The following DOCK1 variants were observed in gnomAD, a reference collection of about 807,000 sequenced individuals.
DOCK1 encodes dedicator of cytokinesis protein 1.
Under a neutral mutation model 262.7 loss-of-function variants are expected in DOCK1, and 138 were observed. That is an observed-to-expected ratio of 0.53 (90% CI 0.46 to 0.61). DOCK1 has a LOEUF of 0.61. Among genes scored for constraint, DOCK1 ranks in the 20% least tolerant of loss-of-function variants. DOCK1 has a pLI of 0.00. For missense variants in DOCK1, 1,908 were observed against 2,370.7 expected (o/e 0.80, Z 4.05); for synonymous variants, 866 against 867.4 (o/e 1.00, Z 0.03).
chr10:127,392,301 C>T (rs534918839), intron 38 of DOCK1, among the ~76,000 whole-genome samples: 7 of 152,228 alleles, frequency 4.6e-5, no homozygotes, highest in Admixed American at 2.0e-4. Context: ...GGTGATGTCC[C>T]AGCTGCTCCA....
At chr10:127,410,561 C>T (rs972028599) in intron 42 of DOCK1, among the ~76,000 whole-genome samples, 6 of 152,200 alleles carry the variant, frequency 3.9e-5, no homozygotes, top group Non-Finnish European at 8.8e-5. Context: ...CTCTCTCCTT[C>T]GCTTCACCTT....
chr10:127,052,926 T>G (rs1406685006), intron 22 of DOCK1, 111 bp downstream of exon 22: 1 of 1,409,604 alleles, frequency 7.1e-7, no homozygotes, highest in Non-Finnish European at 9.5e-7. Flanking sequence ...TTCTTCCCCC[T>G]TTTTCCCCCT....
chr10:126,948,539 C>A (rs1350327947), intron 1 of DOCK1, among the ~76,000 whole-genome samples: 5 of 151,922 alleles, frequency 3.3e-5, no homozygotes, highest in Middle Eastern at 3.4e-3. Context: ...TCTGGATGAA[C>A]CTCTTTTTTA....
chr10:127,212,501 C>T (rs960772472), intron 27 of DOCK1, among the ~76,000 whole-genome samples: 1 of 152,076 alleles, frequency 6.6e-6, no homozygotes, highest in African/African-American at 2.4e-5. Context: ...CGGGCAGGTG[C>T]GAACGGTGGA....
intron 25 of DOCK1, among the ~76,000 whole-genome samples, chr10:127,115,698 G>A: frequency 6.6e-6 from 1 of 152,202 alleles, no homozygotes; most frequent in Middle Eastern, 3.2e-3. Context: ...GGAATAAAAT[G>A]AATCAAGCTG....
At chr10:127,321,683 C>A (rs1053469316) in intron 29 of DOCK1, among the ~76,000 whole-genome samples, 1 of 151,856 alleles carries the variant, frequency 6.6e-6, no homozygotes, top group Non-Finnish European at 1.5e-5. Context: ...CACCCAGTTA[C>A]CTCTGCAGCG....
intron 3 of DOCK1, among the ~76,000 whole-genome samples, chr10:126,980,164 G>T (rs1182771706): frequency 2.0e-5 from 3 of 152,040 alleles, no homozygotes; most frequent in African/African-American, 4.8e-5. Context: ...CCAGCGTTGG[G>T]TCCCTTCAGA....
intron 27 of DOCK1, among the ~76,000 whole-genome samples, chr10:127,149,041 G>A (rs2052204751): frequency 2.0e-5 from 3 of 152,198 alleles, no homozygotes; most frequent in Admixed American, 2.0e-4. Flanking sequence ...ACTCAGCTCT[G>A]AGTCAATAGA....
chr10:127,402,623 G>A, intron 38 of DOCK1: 1 of 511,246 alleles, frequency 2.0e-6, no homozygotes, highest in South Asian at 1.4e-5. Context: ...TTTTTAGGTG[G>A]ACAGCTTGGG....
intron 38 of DOCK1, among the ~76,000 whole-genome samples, chr10:127,398,449 C>T (rs1484955008): frequency 4.6e-5 from 7 of 152,196 alleles, no homozygotes; most frequent in East Asian, 1.9e-4. Flanking sequence ...GAGCAAAGAA[C>T]GGACTGAACG....
chr10:127,413,098 T>C (rs960270393), intron 43 of DOCK1, among the ~76,000 whole-genome samples: 2 of 152,090 alleles, frequency 1.3e-5, no homozygotes, highest in Non-Finnish European at 2.9e-5. Context: ...TTATATGGAG[T>C]CCCTCAACTG....
At chr10:127,401,314 T>C (rs1343789618) in intron 38 of DOCK1, among the ~76,000 whole-genome samples, 2 of 152,124 alleles carry the variant, frequency 1.3e-5, no homozygotes, top group Non-Finnish European at 2.9e-5. Flanking sequence ...TCTCACCTTG[T>C]CAGAAGAAGG....
At chr10:127,207,456 G>A (rs928571) in intron 27 of DOCK1, among the ~76,000 whole-genome samples, 49,331 of 152,054 alleles carry the variant, frequency 0.32, 8,174 homozygotes, top group East Asian at 0.43. Context: ...TGTTTAACTT[G>A]TACCTGAATG....
Position 127,175,654 on chromosome 10 carries a change from C to A in DOCK1, c.2847+47890C>A, listed in dbSNP as rs1327652267. On this transcript the variant is annotated intron_variant, in intron 27 of 51. Coordinates refer to ENST00000623213, the MANE Select transcript of DOCK1 (RefSeq NM_001290223.2). This position sits in a 1 kb window ranked among gnomAD's most constrained non-coding sequence, Gnocchi z 6.3. Reference sequence around the variant, plus strand: ...ACGGTGGCAACCTCCGTTTTAAACACCCTCCTGAGGGCAGGTGGAGCGGGC... The same window carrying A: ...ACGGTGGCAACCTCCGTTTTAAACAACCTCCTGAGGGCAGGTGGAGCGGGC... 1.2e-6 allele frequency: 2 copies of A among 1,613,492 alleles called. No individual in the cohort carries two copies. The highest frequency in any genetic ancestry group is 2.2e-5 in the East Asian group (1 of 44,854).
intron 29 of DOCK1, among the ~76,000 whole-genome samples, chr10:127,285,293 A>G (rs960421955): frequency 6.6e-6 from 1 of 152,296 alleles, no homozygotes; most frequent in Non-Finnish European, 1.5e-5. Flanking sequence ...TTTTGATTAG[A>G]TTTGCATTAG....
intron 1 of DOCK1, among the ~76,000 whole-genome samples, chr10:126,932,701 A>C (rs1460794284): frequency 1.3e-5 from 2 of 152,076 alleles, no homozygotes; most frequent in African/African-American, 4.8e-5. Flanking sequence ...ACCGTCGCTG[A>C]AGTACCACGG....
At chr10:127,217,022 T>G (rs1017870642) in intron 27 of DOCK1, among the ~76,000 whole-genome samples, 4 of 151,866 alleles carry the variant, frequency 2.6e-5, no homozygotes, top group Non-Finnish European at 4.4e-5. Flanking sequence ...TCATGGAGGC[T>G]ACATTATAAC....
At chr10:127,318,472 C>T (rs1218414076) in intron 29 of DOCK1, among the ~76,000 whole-genome samples, 2 of 152,180 alleles carry the variant, frequency 1.3e-5, no homozygotes, top group Non-Finnish European at 2.9e-5. Flanking sequence ...GTGCAGGAGG[C>T]AGTAGCCTCC....
At chr10:127,022,725 A>G (rs1239616012) in intron 13 of DOCK1, among the ~76,000 whole-genome samples, 2 of 152,134 alleles carry the variant, frequency 1.3e-5, no homozygotes, top group Non-Finnish European at 2.9e-5. Context: ...CTTTTAGTTC[A>G]ACTCTTGGAG....
Sources: gnomAD v4.1 joint callset for allele counts (sites outside exome capture counted in the v4.1 genomes callset) on GRCh38, gnomAD v4.1.1 for gene constraint, Gnocchi (gnomAD v3.1) non-coding constraint, MANE v1.5 for transcripts, NCBI Gene and HGNC (gene_info 2026-07-23, HGNC 2026-07-21) for gene names.